Variants in SLC1A4 observed in about 807,000 individuals in gnomAD.
SLC1A4 encodes the protein solute carrier family 1 member 4.
SLC1A4 carries 19 observed loss-of-function variants against 37.7 expected under a neutral mutation model. That is an observed-to-expected ratio of 0.50 (90% confidence interval 0.35 to 0.74). The LOEUF is 0.74. SLC1A4 is among the 30% of genes least tolerant of loss of function. The pLI, the probability that SLC1A4 is intolerant of heterozygous loss-of-function variation, is 0.01. For missense variants in SLC1A4, 570 were observed against 712.9 expected (o/e 0.80, Z 2.28); for synonymous variants, 299 against 309.8 (o/e 0.97, Z 0.37).
intron 4 of SLC1A4, 135 bp from the exon 5 acceptor site, chr2:65,016,305 C>G: frequency 1.4e-6 from 1 of 706,958 alleles, no homozygotes; most frequent in Non-Finnish European, 2.5e-6. Context: ...CTGACTGTTT[C>G]GGTTCCTCGG....
intron 1 of SLC1A4, among the ~76,000 whole-genome samples, chr2:64,997,305 T>C (rs908661689): frequency 4.6e-5 from 7 of 152,194 alleles, no homozygotes; most frequent in African/African-American, 1.4e-4. Flanking sequence ...ACCATACTTT[T>C]TTATATAAGT....
intron 4 of SLC1A4, among the ~76,000 whole-genome samples, chr2:65,015,139 C>T (rs1228486297): frequency 6.6e-6 from 1 of 152,100 alleles, no homozygotes; most frequent in Non-Finnish European, 1.5e-5. Context: ...TTCAGAGAGA[C>T]AAGAAGTAGA....
Position 65,018,520 on chromosome 2 carries a change from C to T in SLC1A4, c.1230-25C>T. 1 of 1,612,752 alleles carries T rather than the reference C, an allele frequency of 6.2e-7. No homozygotes were observed. The highest frequency in any genetic ancestry group is 8.5e-7 in the Non-Finnish European group (1 of 1,179,388). ...TCCACTCCACGCTCTATGTTAATGG[C>T]TGGCCCTGCTCTGCCATCCCTTAGA... On this transcript the variant is annotated intron_variant, in intron 6 of 7. Transcript: ENST00000234256. This position sits in a 1 kb window ranked among gnomAD's most constrained non-coding sequence, Gnocchi z 4.3.
At chr2:65,004,834 C>A (rs1673615357) in intron 3 of SLC1A4, among the ~76,000 whole-genome samples, 2 of 152,168 alleles carry the variant, frequency 1.3e-5, no homozygotes, top group South Asian at 2.1e-4. Flanking sequence ...AGATAGAAGT[C>A]AACTAAATAT....
At chr2:65,017,696 G>A (rs1466914883) in intron 5 of SLC1A4, among the ~76,000 whole-genome samples, 1 of 152,000 alleles carries the variant, frequency 6.6e-6, no homozygotes, top group Non-Finnish European at 1.5e-5. Flanking sequence ...AAAAATCATA[G>A]TTTACCATTT....
chr2:65,009,186 C>T (rs914079531), intron 3 of SLC1A4, among the ~76,000 whole-genome samples: 7 of 151,942 alleles, frequency 4.6e-5, no homozygotes, highest in African/African-American at 1.5e-4. Context: ...ATGGAGAAAC[C>T]CACATGGAGA....
intron 3 of SLC1A4, among the ~76,000 whole-genome samples, chr2:65,007,455 C>T (rs934506345): frequency 1.3e-5 from 2 of 152,106 alleles, no homozygotes; most frequent in Admixed American, 1.3e-4. Context: ...GCTTGTAGTC[C>T]CCTAGCCCCA....
In SLC1A4 at chr2:65,023,833, T is replaced by A. The variant is rs983097099; in HGVS notation, c.*2687T>A. ...ACAATTGCCTTAAAACCTAGCACAGTCCTCAGAAATGAATACCGTGTTTCC... is the reference window on the plus strand; with the variant it reads ...ACAATTGCCTTAAAACCTAGCACAGACCTCAGAAATGAATACCGTGTTTCC... On this transcript the variant is annotated 3_prime_UTR_variant, in exon 8 of 8. Coordinates refer to ENST00000234256, the MANE Select transcript of SLC1A4 (RefSeq NM_003038.5). 4 of 152,694 alleles carry A rather than the reference T, an allele frequency of 2.6e-5. No homozygotes were observed. In the East Asian group the frequency reaches 7.7e-4, roughly 29 times the overall value. 9.5% of individuals were successfully genotyped at this position (152,694 alleles called of 1,614,324 possible). A position where few individuals can be genotyped will look rare whatever the true frequency, so the allele number is the denominator to read the frequency against.
At chr2:64,990,265 G>A in intron 1 of SLC1A4, 95 bp downstream of exon 1, 3 of 1,171,708 alleles carry the variant, frequency 2.6e-6, no homozygotes, top group Non-Finnish European at 3.5e-6. Context: ...ACTCCTAAGA[G>A]TTAATTCTTA....
intron 1 of SLC1A4, among the ~76,000 whole-genome samples, chr2:64,998,054 A>G (rs1004806424): frequency 1.1e-4 from 16 of 152,178 alleles, no homozygotes; most frequent in Non-Finnish European, 2.4e-4. Flanking sequence ...TAACATGGTG[A>G]AACCCCGTCT....
At position 65,004,029 on chromosome 2, in the gene SLC1A4, T is replaced by G. The variant is rs746812438; in HGVS notation, c.633+14T>G. On this transcript the variant is annotated intron_variant, in intron 3 of 7. Coordinates refer to ENST00000234256, the MANE Select transcript of SLC1A4 (RefSeq NM_003038.5). Reference sequence around the variant, plus strand: ...ACCCATGAAAAGGTAAAGCTTTTTATAAGGTCACTTGTAAAAATATGTCTA... The same window carrying G: ...ACCCATGAAAAGGTAAAGCTTTTTAGAAGGTCACTTGTAAAAATATGTCTA... 1.3e-6 allele frequency: 2 copies of G among 1,587,916 alleles called. No individual in the cohort carries two copies. The highest frequency in any genetic ancestry group is 2.2e-5 in the East Asian group (1 of 44,722).
At chr2:65,017,345 CT>C (rs145061153) in intron 5 of SLC1A4, among the ~76,000 whole-genome samples, 17,435 of 146,694 alleles carry the variant, frequency 0.12, 1,009 homozygotes, top group Middle Eastern at 0.2. Context: ...ACTGGAAAAC[CT>C]TAAAAAAAAA....
chr2:65,009,814 T>G (rs886873893), intron 3 of SLC1A4, among the ~76,000 whole-genome samples: 4 of 152,248 alleles, frequency 2.6e-5, no homozygotes, highest in African/African-American at 9.6e-5. Flanking sequence ...AAGTCCATGT[T>G]GATCGTGAAA....
chr2:64,993,688 C>A lies in SLC1A4; in HGVS notation c.527+3518C>A, dbSNP rs552108642. Among the ~76,000 whole-genome samples, 5 of 152,306 alleles carry A rather than the reference C, an allele frequency of 3.3e-5. No individual in the cohort carries two copies. In the East Asian group the frequency reaches 9.6e-4, roughly 29 times the overall value. On this transcript the variant is annotated intron_variant, in intron 1 of 7. Transcript: ENST00000234256. ...AGAAACAGGTTATCAGGAAACTAGTCATTGTGGAACTTCTTGGTCCCTAAC... is the reference window on the plus strand; with the variant it reads ...AGAAACAGGTTATCAGGAAACTAGTAATTGTGGAACTTCTTGGTCCCTAAC...
intron 7 of SLC1A4, among the ~76,000 whole-genome samples, chr2:65,019,355 T>G (rs1289343172): frequency 1.3e-5 from 2 of 152,164 alleles, no homozygotes; most frequent in Non-Finnish European, 2.9e-5. Flanking sequence ...GTGCCTGGAT[T>G]GAAATCCCAG....
At chr2:64,991,389 G>T in intron 1 of SLC1A4, among the ~76,000 whole-genome samples, 1 of 150,024 alleles carries the variant, frequency 6.7e-6, no homozygotes, top group African/African-American at 2.4e-5. Context: ...GCAGATAGTG[G>T]TGGCCTATTA....
At chr2:65,012,159 G>A (rs1008217536) in intron 4 of SLC1A4, among the ~76,000 whole-genome samples, 12 of 150,088 alleles carry the variant, frequency 8.0e-5, no homozygotes, top group African/African-American at 2.5e-4. Context: ...GTGCAATCTC[G>A]GCTCACTGCA....
chr2:64,995,953 C>G (rs1052757037), intron 1 of SLC1A4, among the ~76,000 whole-genome samples: 3 of 152,132 alleles, frequency 2.0e-5, no homozygotes, highest in African/African-American at 7.2e-5. Flanking sequence ...TGCACAGCAC[C>G]TCCCACAGTG....
chr2:64,993,014 C>T lies in SLC1A4; in HGVS notation c.527+2844C>T, dbSNP rs367729253. Among the ~76,000 whole-genome samples, 34 of 152,346 alleles carry T rather than the reference C, an allele frequency of 2.2e-4. No homozygotes were observed. In the South Asian group the frequency reaches 6.2e-3, roughly 28 times the overall value. ...AATTGCTTCCTTCAAGGAAACTTCA[C>T]GGATGTGGATTTCATGTGACTCTGG... On this transcript the variant is annotated intron_variant, in intron 1 of 7. Coordinates refer to ENST00000234256, the MANE Select transcript of SLC1A4 (RefSeq NM_003038.5).
Sources: gnomAD v4.1 joint callset for allele counts (sites outside exome capture counted in the v4.1 genomes callset) on GRCh38, gnomAD v4.1.1 for gene constraint, Gnocchi (gnomAD v3.1) non-coding constraint, MANE v1.5 for transcripts, NCBI Gene and HGNC (gene_info 2026-07-23, HGNC 2026-07-21) for gene names.